The following SGPP2 variants were observed in gnomAD, a reference collection of about 807,000 sequenced individuals.
SGPP2 encodes sphingosine 1-phosphate phosphohydrolase 2.
SGPP2 carries 30 observed loss-of-function variants against 33.9 expected under a neutral mutation model. The observed-to-expected ratio is 0.89, with a 90% CI of 0.66 to 1.20. The LOEUF (loss-of-function observed/expected upper bound fraction) is 1.20, where lower values mean the gene tolerates loss of function less well. Among genes scored for constraint, SGPP2 ranks in the 50% most tolerant of loss-of-function variants. SGPP2 has a pLI of 0.00. For missense variants in SGPP2, 458 were observed against 532.1 expected, an observed-to-expected ratio of 0.86 and a Z score of 1.37; for synonymous variants, 233 against 225.0, an observed-to-expected ratio of 1.04 and a Z score of -0.32.
At chr2:222,507,863 C>T (rs1698468385) in intron 2 of SGPP2, among the ~76,000 whole-genome samples, 1 of 152,204 alleles carries the variant, frequency 6.6e-6, no homozygotes, top group Non-Finnish European at 1.5e-5. Flanking sequence ...TTAACAGTTA[C>T]ATAATTTATT....
intron 1 of SGPP2, among the ~76,000 whole-genome samples, chr2:222,456,161 G>T (rs1697570799): frequency 6.6e-6 from 1 of 152,172 alleles, no homozygotes; most frequent in Admixed American, 6.5e-5. Context: ...TCTGCTTTTA[G>T]AATTTAAGAA....
chr2:222,492,199 C>T (rs1482415609), intron 2 of SGPP2, among the ~76,000 whole-genome samples: 1 of 152,190 alleles, frequency 6.6e-6, no homozygotes, highest in Non-Finnish European at 1.5e-5. Context: ...TAGGCAGTGC[C>T]CCAGTGGGGA....
upstream of SGPP2, chr2:222,424,497 T>A: frequency 1.2e-6 from 1 of 803,468 alleles, no homozygotes; most frequent in Non-Finnish European, 1.6e-6. Context: ...CCGCCCGGCC[T>A]CCGCCCGGAG....
At chr2:222,513,112 A>G (rs1698555729) in intron 2 of SGPP2, among the ~76,000 whole-genome samples, 1 of 152,178 alleles carries the variant, frequency 6.6e-6, no homozygotes, top group African/African-American at 2.4e-5. Context: ...GAGAGTTCCT[A>G]TTGTTCCACA....
chr2:222,513,917 C>A (rs1291102646), intron 2 of SGPP2, among the ~76,000 whole-genome samples: 1 of 152,174 alleles, frequency 6.6e-6, no homozygotes, highest in African/African-American at 2.4e-5. Context: ...AATTTTCCAT[C>A]TCTATGGAGT....
At chr2:222,487,313 T>C (rs1698126635) in intron 2 of SGPP2, among the ~76,000 whole-genome samples, 1 of 152,136 alleles carries the variant, frequency 6.6e-6, no homozygotes, top group African/African-American at 2.4e-5. Context: ...CATAGCCAGG[T>C]TGGGATGCGC....
intron 1 of SGPP2, among the ~76,000 whole-genome samples, chr2:222,454,563 A>G (rs369185195): frequency 2.6e-5 from 4 of 152,270 alleles, no homozygotes; most frequent in East Asian, 3.9e-4. Context: ...CAGTGATTTC[A>G]CAGGTACAGT....
chr2:222,440,786 T>C (rs1357985158), intron 1 of SGPP2, among the ~76,000 whole-genome samples: 6 of 152,106 alleles, frequency 3.9e-5, no homozygotes, highest in Non-Finnish European at 8.8e-5. Context: ...ACAAACATAC[T>C]TCAAGTCATT....
intron 4 of SGPP2, among the ~76,000 whole-genome samples, chr2:222,551,537 A>G (rs1689294570): frequency 6.6e-6 from 1 of 152,186 alleles, no homozygotes; most frequent in Admixed American, 6.5e-5. Flanking sequence ...ATTTTATTAT[A>G]AGAAATTTAG....
At chr2:222,509,215 G>T (rs1380269890) in intron 2 of SGPP2, among the ~76,000 whole-genome samples, 1 of 152,134 alleles carries the variant, frequency 6.6e-6, no homozygotes, top group Non-Finnish European at 1.5e-5. Context: ...GATTTGAGAA[G>T]CTTCCATGAT....
rs936087363 is a variant in SGPP2 at position 222,559,061 on chromosome 2, A to G, written c.*163A>G. The G allele has an allele frequency of 1.5e-6, 1 of 680,634 alleles. No individual in the cohort carries two copies. The highest frequency in any genetic ancestry group is 2.4e-6 in the Non-Finnish European group (1 of 412,928). The allele number at this position is 680,634 out of a possible 1,614,324, so 42.2% of individuals were successfully genotyped here. On this transcript the variant is annotated 3_prime_UTR_variant, in exon 5 of 5. Coordinates refer to ENST00000321276, the MANE Select transcript of SGPP2 (RefSeq NM_152386.4). ...ATGATGCTGCTGTGTGAAAGGAAGAACTGTCTCATAGCGGTCATTGGTCGT... is the reference window on the plus strand; with the variant it reads ...ATGATGCTGCTGTGTGAAAGGAAGAGCTGTCTCATAGCGGTCATTGGTCGT...
Position 222,458,581 on chromosome 2 carries a change from A to G in SGPP2, c.220-15987A>G, listed in dbSNP as rs566412603. 2.4e-4 allele frequency among the ~76,000 whole-genome samples: 37 copies of G among 152,276 alleles called. No homozygotes were observed. The South Asian group carries it at 2.9e-3, about 12-fold the overall frequency. ...ACAGGTGGTCTCTTTTACAGTCAGA[A>G]GTTTTCAGTTTGCTATTTCCGAGGC... On this transcript the variant is annotated intron_variant, in intron 1 of 4. Coordinates refer to ENST00000321276, the MANE Select transcript of SGPP2 (RefSeq NM_152386.4).
chr2:222,523,686 A>G (rs890268966), intron 3 of SGPP2, among the ~76,000 whole-genome samples: 1 of 151,292 alleles, frequency 6.6e-6, no homozygotes, highest in African/African-American at 2.4e-5. Flanking sequence ...ATATTGGTTT[A>G]TTTATATATT....
intron 1 of SGPP2, among the ~76,000 whole-genome samples, chr2:222,443,189 A>G (rs138372714): frequency 6.6e-6 from 1 of 152,276 alleles, no homozygotes; most frequent in East Asian, 1.9e-4. Context: ...TATGAATCAT[A>G]TATTTTTTTT....
At chr2:222,485,373 G>A (rs1040911916) in intron 2 of SGPP2, among the ~76,000 whole-genome samples, 4 of 152,058 alleles carry the variant, frequency 2.6e-5, no homozygotes, top group Admixed American at 6.6e-5. Flanking sequence ...TCCCACCCCC[G>A]CATTTGACAG....
chr2:222,500,509 T>A (rs1294121530), intron 2 of SGPP2, among the ~76,000 whole-genome samples: 1 of 152,204 alleles, frequency 6.6e-6, no homozygotes, highest in Non-Finnish European at 1.5e-5. Flanking sequence ...CTGCTGACGG[T>A]CACCGTGTTG....
intron 1 of SGPP2, among the ~76,000 whole-genome samples, chr2:222,464,675 G>A (rs1406578762): frequency 6.6e-6 from 1 of 152,094 alleles, no homozygotes; most frequent in Admixed American, 6.6e-5. Context: ...GTAGAGACAG[G>A]TCTCACTATG....
At chr2:222,528,080 C>T (rs188815119) in intron 4 of SGPP2, among the ~76,000 whole-genome samples, 351 of 152,322 alleles carry the variant, frequency 2.3e-3, no homozygotes, top group African/African-American at 8.1e-3. Context: ...CCCTGGGCCC[C>T]TCACAATCTC....
chr2:222,548,106 C>T (rs1689232737), intron 4 of SGPP2, among the ~76,000 whole-genome samples: 1 of 152,194 alleles, frequency 6.6e-6, no homozygotes, highest in Non-Finnish European at 1.5e-5. Context: ...AAATTATTTG[C>T]ATTTCAACCA....
Sources: allele counts gnomAD v4.1 joint callset (sites outside exome capture counted in the v4.1 genomes callset), GRCh38; gene constraint gnomAD v4.1.1; transcripts MANE v1.5; gene names NCBI Gene and HGNC (gene_info 2026-07-23, HGNC 2026-07-21).